The following PPARGC1A variants were observed in gnomAD, a reference collection of about 807,000 sequenced individuals.
PPARGC1A encodes the protein PPARG coactivator 1 alpha, also known as peroxisome proliferator-activated receptor gamma coactivator 1-alpha.
Under a neutral mutation model 88.7 loss-of-function variants are expected in PPARGC1A, and 25 were observed. The observed-to-expected ratio is 0.28, with a 90% CI of 0.21 to 0.39. The LOEUF (loss-of-function observed/expected upper bound fraction) is 0.39. PPARGC1A is among the 10% of genes least tolerant of loss of function. The pLI is 1.00. For missense variants in PPARGC1A, 880 were observed against 968.7 expected (o/e 0.91, Z 1.22); for synonymous variants, 363 against 355.6 (o/e 1.02, Z -0.24).
the PPARGC1A span, among the ~76,000 whole-genome samples, chr4:24,156,022 C>T: frequency 7.9e-3 from 1,205 of 152,286 alleles, 8 homozygotes; most frequent in Middle Eastern, 0.051. Flanking sequence ...ATAAGATCCA[C>T]TCATCATAAA....
the PPARGC1A span, among the ~76,000 whole-genome samples, chr4:24,255,437 G>A: frequency 2.6e-5 from 4 of 152,124 alleles, no homozygotes; most frequent in Non-Finnish European, 5.9e-5. Context: ...TCAAGTTTAA[G>A]GGGACAAAAA....
At chr4:24,191,967 T>G in the PPARGC1A span, among the ~76,000 whole-genome samples, 1 of 152,208 alleles carries the variant, frequency 6.6e-6, no homozygotes, top group Non-Finnish European at 1.5e-5. Context: ...CGGGGATGTG[T>G]ACAACCATAC....
the PPARGC1A span, among the ~76,000 whole-genome samples, chr4:24,350,977 AT>A: frequency 0.98 from 147,309 of 150,678 alleles, 72,064 homozygotes; most frequent in South Asian, 1. Context: ...AAAAAGAACA[AT>A]TTTTTTTTTT....
the PPARGC1A span, among the ~76,000 whole-genome samples, chr4:24,119,511 CAG>C: frequency 3.9e-5 from 6 of 152,084 alleles, no homozygotes. Context: ...AAAGTGGGAC[CAG>C]AGATGGTCGC....
At chr4:24,277,697 T>C in the PPARGC1A span, among the ~76,000 whole-genome samples, 1 of 152,200 alleles carries the variant, frequency 6.6e-6, no homozygotes, top group Non-Finnish European at 1.5e-5. Context: ...ATTTATTTCC[T>C]TGTTTAAAAG....
the PPARGC1A span, among the ~76,000 whole-genome samples, chr4:24,083,581 G>C: frequency 2.0e-5 from 3 of 152,134 alleles, no homozygotes; most frequent in Admixed American, 6.5e-5. Flanking sequence ...GATCCTTAGG[G>C]TGAAAATGGT....
At chr4:23,877,466 A>C (rs1286376768) in intron 2 of PPARGC1A, among the ~76,000 whole-genome samples, 1 of 127,818 alleles carries the variant, frequency 7.8e-6, no homozygotes, top group Non-Finnish European at 1.6e-5. Flanking sequence ...TGAACCCAGG[A>C]GGGGGAGGTT....
chr4:24,002,028 G>A, the PPARGC1A span, among the ~76,000 whole-genome samples: 1 of 151,306 alleles, frequency 6.6e-6, no homozygotes, highest in Non-Finnish European at 1.5e-5. Context: ...GTCATTGAAT[G>A]TGGCTTGTAA....
At chr4:24,121,620 CA>C in the PPARGC1A span, among the ~76,000 whole-genome samples, 1 of 152,090 alleles carries the variant, frequency 6.6e-6, no homozygotes, top group South Asian at 2.1e-4. Flanking sequence ...CACAGGTGAC[CA>C]GGGGAGAGGA....
chr4:23,971,527 T>C, the PPARGC1A span, among the ~76,000 whole-genome samples: 1 of 152,078 alleles, frequency 6.6e-6, no homozygotes, highest in African/African-American at 2.4e-5. Flanking sequence ...CCAGTTTGAG[T>C]CCCAGAACTC....
the PPARGC1A span, among the ~76,000 whole-genome samples, chr4:24,212,759 A>G: frequency 6.6e-6 from 1 of 152,204 alleles, no homozygotes; most frequent in African/African-American, 2.4e-5. Context: ...CTGCTTTAAG[A>G]CAGCTTTAAA....
At chr4:23,960,197 T>A in the PPARGC1A span, among the ~76,000 whole-genome samples, 2 of 152,152 alleles carry the variant, frequency 1.3e-5, no homozygotes, top group Non-Finnish European at 2.9e-5. Flanking sequence ...GTGTCGGGAA[T>A]GTCTCTAGAT....
chr4:23,814,801 A>G (rs911611120), intron 7 of PPARGC1A, among the ~76,000 whole-genome samples, 196 bp from the exon 8 acceptor site: 1 of 152,098 alleles, frequency 6.6e-6, no homozygotes, highest in African/African-American at 2.4e-5. Context: ...TCTGTCACCA[A>G]GAAAAGATGG....
chr4:24,002,910 C>T, the PPARGC1A span, among the ~76,000 whole-genome samples: 2 of 152,136 alleles, frequency 1.3e-5, no homozygotes, highest in Admixed American at 6.5e-5. Context: ...AGACTGGGTC[C>T]ACCTCACAGG....
At chr4:24,134,200 T>C in the PPARGC1A span, among the ~76,000 whole-genome samples, 1 of 152,324 alleles carries the variant, frequency 6.6e-6, no homozygotes, top group African/African-American at 2.4e-5. Context: ...ATAAACCCCA[T>C]ATCAAAAGCC....
chr4:23,837,920 T>A (rs1038626974), intron 2 of PPARGC1A, among the ~76,000 whole-genome samples: 13 of 152,190 alleles, frequency 8.5e-5, no homozygotes, highest in Admixed American at 7.2e-4. Flanking sequence ...TTTGCAGAAA[T>A]GTACAGATTT....
At chr4:24,218,051 G>A in the PPARGC1A span, among the ~76,000 whole-genome samples, 1 of 152,136 alleles carries the variant, frequency 6.6e-6, no homozygotes, top group Admixed American at 6.5e-5. Flanking sequence ...TTAATCTTGA[G>A]TGCCTGGGAG....
the PPARGC1A span, among the ~76,000 whole-genome samples, chr4:24,147,232 A>G: frequency 1.3e-5 from 2 of 152,202 alleles, no homozygotes; most frequent in Non-Finnish European, 2.9e-5. Flanking sequence ...GGTCTGGTGC[A>G]GAGGCAAATT....
chr4:24,382,658 C>G, the PPARGC1A span, among the ~76,000 whole-genome samples: 1 of 152,206 alleles, frequency 6.6e-6, no homozygotes, highest in Non-Finnish European at 1.5e-5. Context: ...ATGATACTGA[C>G]AGGTACCTTG....
Sources: allele counts gnomAD v4.1 joint callset (sites outside exome capture counted in the v4.1 genomes callset), GRCh38; gene constraint gnomAD v4.1.1; transcripts MANE v1.5; gene names NCBI Gene and HGNC (gene_info 2026-07-23, HGNC 2026-07-21).